Variants in SRRM3 observed in about 807,000 individuals in gnomAD.
SRRM3 encodes serine/arginine repetitive matrix protein 3.
In SRRM3, 27 loss-of-function variants were observed where a neutral mutation model predicts 66.2. That is an observed-to-expected ratio of 0.41 (90% CI 0.30 to 0.56). The LOEUF (loss-of-function observed/expected upper bound fraction) is 0.56, where lower values mean the gene tolerates loss of function less well. Ranked by LOEUF, SRRM3 falls within the 20% of genes least tolerant of loss-of-function variation. The pLI is 0.32. For synonymous variants in SRRM3, 391 were observed against 414.9 expected, an observed-to-expected ratio of 0.94 and a Z score of 0.70; for missense variants, 918 against 991.9, an observed-to-expected ratio of 0.93 and a Z score of 1.00.
chr7:76,211,641 G>A (rs899818154), intron 1 of SRRM3, among the ~76,000 whole-genome samples: 15 of 151,880 alleles, frequency 9.9e-5, no homozygotes, highest in African/African-American at 3.6e-4. Flanking sequence ...TCCTCTCTGC[G>A]GCTCAGCCCA....
At chr7:76,264,229 G>C (rs1179346180) in intron 8 of SRRM3, among the ~76,000 whole-genome samples, 2 of 148,278 alleles carry the variant, frequency 1.3e-5, no homozygotes, top group Non-Finnish European at 3.0e-5. Flanking sequence ...GTGCAAAGGC[G>C]CGATCTCAGC....
chr7:76,259,137 T>G (rs1297549610), intron 3 of SRRM3, among the ~76,000 whole-genome samples: 9 of 88,618 alleles, frequency 1.0e-4, no homozygotes, highest in South Asian at 6.9e-4. Flanking sequence ...AAAGGAGGGG[T>G]GGGGATGGGG....
intron 1 of SRRM3, among the ~76,000 whole-genome samples, chr7:76,230,908 G>A (rs1800998859): frequency 6.6e-6 from 1 of 151,924 alleles, no homozygotes; most frequent in South Asian, 2.1e-4. Context: ...CCACCATCAT[G>A]CCTGGCTAAT....
chr7:76,204,597 T>C lies in SRRM3; in HGVS notation c.-40+2530T>C, dbSNP rs1470554427. On this transcript the variant is annotated intron_variant, in intron 1 of 14. Coordinates refer to ENST00000611745, the MANE Select transcript of SRRM3 (RefSeq NM_001110199.3). ...CCAGGCTCCCCAGGGCGAGAATCAA[T>C]CCAGGCACTGTAGGCCAGTGAGTGT... is the stretch of plus-strand genomic sequence containing the variant. Among the ~76,000 whole-genome samples, 4 of 152,132 alleles carry C rather than the reference T, an allele frequency of 2.6e-5. No homozygotes were observed. The South Asian group carries it at 8.3e-4, about 32-fold the overall frequency.
chr7:76,263,375 G>A (rs1439254664), intron 8 of SRRM3, among the ~76,000 whole-genome samples: 3 of 152,324 alleles, frequency 2.0e-5, no homozygotes, highest in African/African-American at 7.2e-5. Flanking sequence ...GTGGCACCAG[G>A]GAGGATGGGG....
intron 3 of SRRM3, among the ~76,000 whole-genome samples, chr7:76,251,000 C>G (rs1801568293): frequency 6.6e-6 from 1 of 152,198 alleles, no homozygotes; most frequent in South Asian, 2.1e-4. Context: ...GCCCTCCTCC[C>G]ACATCTGGGC....
chr7:76,279,535 C>T (rs1802443127), intron 11 of SRRM3, among the ~76,000 whole-genome samples: 1 of 148,438 alleles, frequency 6.7e-6, no homozygotes, highest in South Asian at 2.2e-4. Context: ...GGGCCAAGGA[C>T]AGGAGGAGGG....
In SRRM3 at chr7:76,285,663, C is replaced by T. The variant is rs566246012; in HGVS notation, c.1782C>T (p.Ser594=). The T allele has an allele frequency of 1.9e-6, 3 of 1,551,218 alleles. No homozygotes were observed. The highest frequency in any genetic ancestry group is 2.4e-5 in the East Asian group (1 of 40,908). ...IPYYRPSPSS[S]SSCLSSDYST... ...ACTACCGGCCCAGCCCCTCTTCCTC[C>T]TCCAGCTGCTTGAGCAGCGACTACT... The change falls in exon 15 of 15, where the codon TCC becomes TCT. Residue 594 remains serine (S), a synonymous_variant. Transcript: ENST00000611745. This position sits in a 1 kb window ranked among gnomAD's most constrained non-coding sequence, Gnocchi z 4.1.
intron 1 of SRRM3, among the ~76,000 whole-genome samples, chr7:76,218,860 T>G (rs1248192383): frequency 6.6e-6 from 1 of 151,338 alleles, no homozygotes; most frequent in Admixed American, 6.6e-5. Flanking sequence ...TTTGTTTGTT[T>G]TTTGTTTTTT....
At chr7:76,280,904 G>A in intron 11 of SRRM3, among the ~76,000 whole-genome samples, 1 of 147,352 alleles carries the variant, frequency 6.8e-6, no homozygotes, top group Non-Finnish European at 1.5e-5. Flanking sequence ...CTCTCTCTTC[G>A]CTCTTTCTCT....
rs58369922 is a variant in SRRM3, at chr7:76,234,194, AGTGTGTGTGTGTGT to A, written c.-39-817_-39-804del. Among the ~76,000 whole-genome samples the A allele has an allele frequency of 3.5e-5, 5 of 141,078 alleles. No individual in the cohort carries two copies. The South Asian group carries it at 6.9e-4, about 19-fold the overall frequency. The allele number at this position is 141,078 out of a possible 152,430, so 92.6% of individuals were successfully genotyped here. A position where few individuals can be genotyped will look rare whatever the true frequency, so the allele number is the denominator to read the frequency against. ...CCTCTGTTAAGATAGAAGTCCTTGGAGTGTGTGTGTGTGTGTGTGTGTGTGTGTGTCTGCTCTAC... is the reference window on the plus strand; with the variant it reads ...CCTCTGTTAAGATAGAAGTCCTTGGAGTGTGTGTGTGTGTGTCTGCTCTAC... On this transcript the variant is annotated intron_variant, in intron 1 of 14. Transcript: ENST00000611745.
At chr7:76,282,579 G>GCCCCCCCCCCCCCCCCCCCCCCC in intron 12 of SRRM3, 69 bp from the exon 13 acceptor site, 1 of 716,100 alleles carries the variant, frequency 1.4e-6, no homozygotes. Flanking sequence ...CCGCCCCAGG[G>GCCCCCCCCCCCCCCCCCCCCCCC]AACCCTCCCC....
In SRRM3 at chr7:76,227,791, G is replaced by A. The variant is rs117959929; in HGVS notation, c.-39-7237G>A. Among the ~76,000 whole-genome samples the A allele has an allele frequency of 3.9e-5, 6 of 152,264 alleles. No individual in the cohort carries two copies. The East Asian group carries it at 9.6e-4, about 24-fold the overall frequency. ...TTTGTTGAGTGAATGCTTGAATATC[G>A]TTTCTATCTCATGTTTGAACAATTC... On this transcript the variant is annotated intron_variant, in intron 1 of 14. Coordinates refer to ENST00000611745, the MANE Select transcript of SRRM3 (RefSeq NM_001110199.3).
At chr7:76,234,470 A>T (rs1322346939) in intron 1 of SRRM3, among the ~76,000 whole-genome samples, 7 of 152,150 alleles carry the variant, frequency 4.6e-5, no homozygotes, top group African/African-American at 1.4e-4. Flanking sequence ...CAGATCAAAC[A>T]GAGAGCTAAA....
chr7:76,260,246 T>G, intron 5 of SRRM3, 49 bp downstream of exon 5: 1 of 1,398,572 alleles, frequency 7.2e-7, no homozygotes, highest in Non-Finnish European at 9.6e-7. Context: ...AGGTGGGGTC[T>G]CTCCCCGGAT....
At chr7:76,250,927 G>C (rs1202680870) in intron 3 of SRRM3, among the ~76,000 whole-genome samples, 2 of 152,130 alleles carry the variant, frequency 1.3e-5, no homozygotes, top group Non-Finnish European at 2.9e-5. Flanking sequence ...CAGGGCCCCT[G>C]GCAGGCCTGG....
intron 8 of SRRM3, among the ~76,000 whole-genome samples, chr7:76,262,516 G>GAAAAAAAAAAAAAAAA: frequency 1.1e-5 from 1 of 92,760 alleles, no homozygotes; most frequent in Non-Finnish European, 2.1e-5. Context: ...CTCTGTCTCA[G>GAAAAAAAAAAAAAAAA]AAAAAAAAAA....
intron 11 of SRRM3, chr7:76,273,375 C>T (rs968031839): frequency 5.3e-5 from 8 of 151,958 alleles, no homozygotes; most frequent in African/African-American, 1.9e-4. Flanking sequence ...TAGTGGAACC[C>T]ATTGTTTAAA....
rs534580076 is a variant in SRRM3, at chr7:76,271,288, C to T, written c.1008+3853C>T. On this transcript the variant is annotated intron_variant, in intron 11 of 14. Coordinates refer to ENST00000611745, the MANE Select transcript of SRRM3 (RefSeq NM_001110199.3). ...GTTCCAGACTGACTGGTCAACAGAA[C>T]AAGACTGTATCTCTACAAAAAATAT... is the stretch of plus-strand genomic sequence containing the variant. Among the ~76,000 whole-genome samples the T allele has an allele frequency of 2.9e-3, 443 of 152,086 alleles. 1 individual carries two copies. The highest frequency in any genetic ancestry group is 5.2e-3 in the South Asian group (25 of 4,812).
Sources: gnomAD v4.1 joint callset for allele counts (sites outside exome capture counted in the v4.1 genomes callset) on GRCh38, gnomAD v4.1.1 for gene constraint, Gnocchi (gnomAD v3.1) non-coding constraint, MANE v1.5 for transcripts, NCBI Gene and HGNC (gene_info 2026-07-23, HGNC 2026-07-21) for gene names.